Variants in FAIM2 observed in about 807,000 individuals in gnomAD.
FAIM2 encodes protein lifeguard 2.
A neutral mutation model predicts 47.4 loss-of-function variants in FAIM2; 27 were observed. The observed-to-expected ratio is 0.57, with a 90% CI of 0.42 to 0.78. The LOEUF (loss-of-function observed/expected upper bound fraction) is 0.78, where lower values mean the gene tolerates loss of function less well. FAIM2 is among the 30% of genes least tolerant of loss of function. FAIM2 has a pLI of 0.00. For missense variants in FAIM2, 311 were observed against 389.4 expected, an observed-to-expected ratio of 0.80 and a Z score of 1.69; for synonymous variants, 156 against 159.3, an observed-to-expected ratio of 0.98 and a Z score of 0.16.
intron 11 of FAIM2, among the ~76,000 whole-genome samples, chr12:49,877,956 G>GTGTGTA (rs377026432): frequency 6.7e-6 from 1 of 149,742 alleles, no homozygotes; most frequent in Non-Finnish European, 1.5e-5. Context: ...GTGCGTATGT[G>GTGTGTA]TGTGTATGTG....
At position 49,901,178 on chromosome 12, in the gene FAIM2, C is replaced by T. The variant is rs1478325681; in HGVS notation, c.163G>A (p.Ala55Thr). The T allele has an allele frequency of 6.2e-7, 1 of 1,607,396 alleles. No homozygotes were observed. The highest frequency in any genetic ancestry group is 1.7e-5 in the Admixed American group (1 of 59,192). Residue 55 changes from alanine (A) to threonine (T), a missense_variant, in exon 2 of 12, where the codon GCC (alanine) becomes ACC (threonine). Physicochemically the swap from Ala to Thr is moderately conservative, Grantham distance 58. Transcript: ENST00000320634. The part of the protein sequence containing the change: ...EGMKAGAFPP[A>T]PTAVPLHPSW... ...GGGTGGAGAGGCACCGCTGTGGGGG[C>T]TGGGGGGAAGGCCCCTGCCTTCATC... is the stretch of plus-strand genomic sequence containing the variant.
Position 49,868,980 on chromosome 12 carries a change from T to A in FAIM2, c.*1524A>T, listed in dbSNP as rs1946682923. Reference sequence around the variant, plus strand: ...GGCTGGGAAGGAACAGCACACCTCGTCTCCCTTCCCAAGGCAGACGGAGCT... The same window carrying A: ...GGCTGGGAAGGAACAGCACACCTCGACTCCCTTCCCAAGGCAGACGGAGCT... On this transcript the variant is annotated 3_prime_UTR_variant, in exon 12 of 12. Transcript: ENST00000320634. The A allele has an allele frequency of 6.6e-6, 1 of 152,296 alleles. No individual in the cohort carries two copies. Among genetic ancestry groups the A allele is most frequent in the African/African-American group, 2.4e-5 (1 of 41,418 alleles). 9.4% of individuals were successfully genotyped at this position (152,296 alleles called of 1,614,324 possible).
intron 5 of FAIM2, among the ~76,000 whole-genome samples, chr12:49,896,027 G>A (rs1212612525): frequency 6.6e-6 from 1 of 152,224 alleles, no homozygotes; most frequent in African/African-American, 2.4e-5. Context: ...TCCTGGGAAC[G>A]CTGTCTCCTG....
At chr12:49,873,252 T>C (rs1946714945) in intron 11 of FAIM2, among the ~76,000 whole-genome samples, 1 of 152,124 alleles carries the variant, frequency 6.6e-6, no homozygotes, top group Non-Finnish European at 1.5e-5. Context: ...GACCTCAGTG[T>C]CCTCATCTAC....
At chr12:49,878,139 CATGTGAGTGTGTGT>C (rs1946754490) in intron 11 of FAIM2, among the ~76,000 whole-genome samples, 1 of 106,478 alleles carries the variant, frequency 9.4e-6, no homozygotes, top group South Asian at 3.6e-4. Context: ...TGTGAGTGTG[CATGTGAGTGTGTGT>C]ATGAGTGTAT....
At chr12:49,880,596 GTA>G (rs1491418572) in intron 11 of FAIM2, among the ~76,000 whole-genome samples, 17 of 148,062 alleles carry the variant, frequency 1.1e-4, no homozygotes, top group African/African-American at 3.0e-4. Flanking sequence ...ATGTGCATGT[GTA>G]TGTGTGTGCA....
Position 49,895,327 on chromosome 12 carries a change from C to T in FAIM2, c.434+1704G>A, listed in dbSNP as rs76374158. 1.7e-3 allele frequency among the ~76,000 whole-genome samples: 257 copies of T among 152,184 alleles called. 2 individuals are homozygous for T. The East Asian group carries it at 0.039, about 23-fold the overall frequency. ...TCTCACACTGCACCCTCCCAATCCC[C>T]CCATCCCCCCCAATGGAGTGGACTC... On this transcript the variant is annotated intron_variant, in intron 5 of 11. Transcript: ENST00000320634.
intron 11 of FAIM2, among the ~76,000 whole-genome samples, chr12:49,875,256 C>A (rs901238130): frequency 3.0e-4 from 46 of 152,198 alleles, no homozygotes; most frequent in Admixed American, 2.9e-3. Flanking sequence ...GCAGGTGTCG[C>A]ACTATCAGCT....
intron 1 of FAIM2, 139 bp downstream of exon 1, chr12:49,903,639 G>T: frequency 8.5e-7 from 1 of 1,178,212 alleles, no homozygotes; most frequent in Non-Finnish European, 1.2e-6. Context: ...TCGGTCCTCT[G>T]ACTTCAGCAA....
Position 49,903,814 on chromosome 12 carries a change from G to C in FAIM2, c.-22C>G. 1 of 1,535,808 alleles carries C rather than the reference G, an allele frequency of 6.5e-7. No individual in the cohort carries two copies. The highest frequency in any genetic ancestry group is 8.8e-7 in the Non-Finnish European group (1 of 1,139,816). On this transcript the variant is annotated 5_prime_UTR_variant, in exon 1 of 12. Transcript: ENST00000320634. Reference sequence around the variant, plus strand: ...TCATGGTGCCGTCTCTCGGGGAAGGGGTCCCTGAGGCCCGGGTGGCCGCTT... The same window carrying C: ...TCATGGTGCCGTCTCTCGGGGAAGGCGTCCCTGAGGCCCGGGTGGCCGCTT...
chr12:49,899,498 C>T (rs1022396461), intron 2 of FAIM2, among the ~76,000 whole-genome samples: 17 of 152,344 alleles, frequency 1.1e-4, no homozygotes, highest in African/African-American at 1.9e-4. Context: ...ATTCCTCCCC[C>T]GATCAGGTTC....
At chr12:49,887,335 G>A (rs376005780) in intron 11 of FAIM2, 51 bp downstream of exon 11, 1 of 1,518,876 alleles carries the variant, frequency 6.6e-7, no homozygotes, top group Non-Finnish European at 9.1e-7. Flanking sequence ...GGACTGGGGT[G>A]ATGGTCAGGA....
intron 11 of FAIM2, among the ~76,000 whole-genome samples, chr12:49,879,547 T>TG (rs1565614137): frequency 6.6e-6 from 1 of 151,770 alleles, no homozygotes; most frequent in East Asian, 1.9e-4. Flanking sequence ...TGTGAGTGTA[T>TG]GGGTGTATGT....
intron 11 of FAIM2, among the ~76,000 whole-genome samples, chr12:49,883,412 G>A (rs578153625): frequency 1.3e-5 from 2 of 152,090 alleles, no homozygotes; most frequent in Admixed American, 6.5e-5. Flanking sequence ...GGTGAGGAGA[G>A]GGGAGGAGTG....
intron 5 of FAIM2, among the ~76,000 whole-genome samples, chr12:49,894,362 G>GGCCCACCAGCC (rs1446588834): frequency 2.0e-5 from 3 of 152,142 alleles, no homozygotes; most frequent in Admixed American, 6.5e-5. Flanking sequence ...GGTTTCTCCT[G>GGCCCACCAGCC]GCCCACCAGC....
chr12:49,889,341 C>G lies in FAIM2; in HGVS notation c.652-139G>C, dbSNP rs535057833. 4.5e-5 allele frequency: 43 copies of G among 959,630 alleles called. No individual in the cohort carries two copies. In the East Asian group the frequency reaches 1.1e-3, roughly 24 times the overall value. The allele number at this position is 959,630 out of a possible 1,614,324, so 59.4% of individuals were successfully genotyped here. ...CATTCCTTCCCCTCCTCCCCCTCAT[C>G]AGGTGGCTTCCCCAAACCCAACTCA... On this transcript the variant is annotated intron_variant, in intron 9 of 11. Coordinates refer to ENST00000320634, the MANE Select transcript of FAIM2 (RefSeq NM_012306.4).
At chr12:49,877,782 G>T (rs114084422) in intron 11 of FAIM2, among the ~76,000 whole-genome samples, 1 of 152,076 alleles carries the variant, frequency 6.6e-6, no homozygotes, top group Non-Finnish European at 1.5e-5. Flanking sequence ...ATATGTGTGT[G>T]CATGTGTATA....
chr12:49,894,531 CAG>C (rs142956246), intron 5 of FAIM2, among the ~76,000 whole-genome samples: 32 of 151,934 alleles, frequency 2.1e-4, no homozygotes, highest in Non-Finnish European at 3.2e-4. Context: ...CTTAAGAAGT[CAG>C]AGAGAGAGAG....
chr12:49,870,114 T>C lies in FAIM2; in HGVS notation c.*390A>G. On this transcript the variant is annotated 3_prime_UTR_variant, in exon 12 of 12. Coordinates refer to ENST00000320634, the MANE Select transcript of FAIM2 (RefSeq NM_012306.4). Reference sequence around the variant, plus strand: ...CAGGACAGTGTGCCCTAAGGCCACATGATTGTGCAGCCCTAGGAGGAATTG... The same window carrying C: ...CAGGACAGTGTGCCCTAAGGCCACACGATTGTGCAGCCCTAGGAGGAATTG... The C allele has an allele frequency of 5.4e-6, 1 of 185,970 alleles. No homozygotes were observed. Among genetic ancestry groups the C allele is most frequent in the Non-Finnish European group, 1.1e-5 (1 of 89,308 alleles). 11.5% of individuals were successfully genotyped at this position (185,970 alleles called of 1,614,324 possible).
Sources: gnomAD v4.1 joint callset for allele counts (sites outside exome capture counted in the v4.1 genomes callset) on GRCh38, gnomAD v4.1.1 for gene constraint, MANE v1.5 for transcripts, NCBI Gene and HGNC (gene_info 2026-07-23, HGNC 2026-07-21) for gene names.